The following SNAP91 variants were observed in gnomAD, a reference collection of about 807,000 sequenced individuals.
The protein encoded by SNAP91 is clathrin coat assembly protein AP180.
In SNAP91, 27 loss-of-function variants were observed where a neutral mutation model predicts 100.3. The observed-to-expected ratio is 0.27, with a 90% CI of 0.20 to 0.37. The LOEUF (loss-of-function observed/expected upper bound fraction) is 0.37. Ranked by LOEUF, SNAP91 falls within the 10% of genes least tolerant of loss-of-function variation. The pLI is 1.00. For synonymous variants in SNAP91, 404 were observed against 398.6 expected, an observed-to-expected ratio of 1.01 and a Z score of -0.16; for missense variants, 986 against 1,123.7, an observed-to-expected ratio of 0.88 and a Z score of 1.75.
chr6:83,671,731 G>C (rs1304862246), intron 2 of SNAP91, among the ~76,000 whole-genome samples: 1 of 152,042 alleles, frequency 6.6e-6, no homozygotes, highest in Non-Finnish European at 1.5e-5. Flanking sequence ...GGAGATATAA[G>C]TAATTGTTCA....
At chr6:83,612,946 A>T (rs1356779912) in intron 11 of SNAP91, among the ~76,000 whole-genome samples, 1 of 151,938 alleles carries the variant, frequency 6.6e-6, no homozygotes, top group African/African-American at 2.4e-5. Flanking sequence ...TTCCAAACTA[A>T]TACCTAAAAT....
intron 2 of SNAP91, among the ~76,000 whole-genome samples, chr6:83,682,208 C>A (rs1360133380): frequency 7.3e-6 from 1 of 137,024 alleles, no homozygotes; most frequent in Non-Finnish European, 1.5e-5. Flanking sequence ...GACAGGGTCT[C>A]GCTCTGTTGT....
At chr6:83,666,915 G>C (rs138420008) in intron 2 of SNAP91, among the ~76,000 whole-genome samples, 3 of 152,114 alleles carry the variant, frequency 2.0e-5, no homozygotes, top group African/African-American at 7.2e-5. Context: ...GTTCAGAATA[G>C]ATGTATATTT....
At chr6:83,663,630 G>A (rs1296636982) in intron 3 of SNAP91, among the ~76,000 whole-genome samples, 1 of 152,102 alleles carries the variant, frequency 6.6e-6, no homozygotes, top group Non-Finnish European at 1.5e-5. Context: ...TTTGATGCTA[G>A]CAGAGGTTAG....
intron 9 of SNAP91, among the ~76,000 whole-genome samples, chr6:83,621,109 G>A (rs1230980206): frequency 6.6e-6 from 1 of 152,070 alleles, no homozygotes; most frequent in East Asian, 1.9e-4. Flanking sequence ...TGTCACAGGG[G>A]TACCACCTTC....
At chr6:83,664,107 A>AG (rs2128756316) in intron 3 of SNAP91, among the ~76,000 whole-genome samples, 1 of 152,236 alleles carries the variant, frequency 6.6e-6, no homozygotes, top group South Asian at 2.1e-4. Flanking sequence ...TCAGAAAAAA[A>AG]GATTCCTTTC....
chr6:83,602,427 C>A (rs188272042), intron 14 of SNAP91, among the ~76,000 whole-genome samples: 18 of 152,114 alleles, frequency 1.2e-4, no homozygotes, highest in Non-Finnish European at 1.5e-5. Context: ...ATTAGGCTTA[C>A]AGAGTTTTAC....
chr6:83,705,810 G>C (rs1216177115), intron 2 of SNAP91, among the ~76,000 whole-genome samples: 1 of 144,878 alleles, frequency 6.9e-6, no homozygotes, highest in East Asian at 2.0e-4. Context: ...ATCTCACAAA[G>C]AGAAAAAAAA....
At chr6:83,582,146 A>G (rs910626556) in intron 23 of SNAP91, 76 bp downstream of exon 23, 2 of 1,451,748 alleles carry the variant, frequency 1.4e-6, no homozygotes, top group African/African-American at 1.4e-5. Flanking sequence ...ATTTCCTGAT[A>G]GCATACTAAC....
intron 2 of SNAP91, among the ~76,000 whole-genome samples, chr6:83,706,493 A>G (rs978513033): frequency 1.3e-5 from 2 of 152,270 alleles, no homozygotes; most frequent in East Asian, 3.8e-4. Flanking sequence ...GAAAGGCATA[A>G]TGGTACTTTC....
At chr6:83,693,590 G>A (rs989649534) in intron 2 of SNAP91, among the ~76,000 whole-genome samples, 2 of 152,158 alleles carry the variant, frequency 1.3e-5, no homozygotes, top group African/African-American at 4.8e-5. Flanking sequence ...CGCGATGCTG[G>A]AAGAAAGTTT....
At position 83,618,531 on chromosome 6, in the gene SNAP91, G is replaced by T. The variant is rs114428984; in HGVS notation, c.808-1492C>A. ...TAAAAAATGAATTTTAAGAGATACA[G>T]AAAATTTTGTTATAGATACCAGATT... On this transcript the variant is annotated intron_variant, in intron 9 of 29. Coordinates refer to ENST00000369694, the MANE Select transcript of SNAP91 (RefSeq NM_001242792.2). Among the ~76,000 whole-genome samples the T allele has an allele frequency of 4.1e-3, 629 of 151,882 alleles. 5 individuals are homozygous for T. The highest frequency in any genetic ancestry group is 0.015 in the African/African-American group (605 of 41,522).
At chr6:83,582,443 C>T (rs529641584) in intron 22 of SNAP91, 87 bp from the exon 23 acceptor site, 1 of 1,364,694 alleles carries the variant, frequency 7.3e-7, no homozygotes, top group Non-Finnish European at 9.8e-7. Context: ...TTATAGAAAA[C>T]TGAAAAGGAA....
intron 8 of SNAP91, among the ~76,000 whole-genome samples, chr6:83,632,240 T>G (rs1437137621): frequency 6.6e-6 from 1 of 152,144 alleles, no homozygotes. Context: ...AATTTAAAGG[T>G]ATAGTTATAC....
intron 9 of SNAP91, among the ~76,000 whole-genome samples, chr6:83,619,847 C>T (rs2096643014): frequency 1.3e-5 from 2 of 151,928 alleles, no homozygotes; most frequent in South Asian, 2.1e-4. Flanking sequence ...CATCCATCTA[C>T]GATTTAGATG....
chr6:83,659,094 T>TA lies in SNAP91; in HGVS notation c.453-3dup. On this transcript the variant is annotated splice_polypyrimidine_tract_variant and splice_region_variant and intron_variant, in intron 5 of 29. Coordinates refer to ENST00000369694, the MANE Select transcript of SNAP91 (RefSeq NM_001242792.2). ...ATTGTCCTCATTACACCATCGGCCC[T>TA]ACAATTAAAAAAAAAAAAAAGGTAC... 1 of 1,524,744 alleles carries TA rather than the reference T, an allele frequency of 6.6e-7. No individual in the cohort carries two copies. Among genetic ancestry groups the TA allele is most frequent in the Admixed American group, 2.1e-5 (1 of 48,026 alleles). 94.5% of individuals were successfully genotyped at this position (1,524,744 alleles called of 1,614,324 possible). A position where few individuals can be genotyped will look rare whatever the true frequency, so the allele number is the denominator to read the frequency against.
chr6:83,628,874 C>A (rs973649023), intron 8 of SNAP91, among the ~76,000 whole-genome samples: 10 of 152,064 alleles, frequency 6.6e-5, no homozygotes, highest in African/African-American at 2.2e-4. Flanking sequence ...TTAATTAAGT[C>A]CCAGAAATTT....
chr6:83,694,158 C>T (rs889886721), intron 2 of SNAP91, among the ~76,000 whole-genome samples: 6 of 152,204 alleles, frequency 3.9e-5, no homozygotes, highest in African/African-American at 1.4e-4. Flanking sequence ...GTATTCACAT[C>T]CCATTTCCTT....
chr6:83,605,192 G>A (rs2095533306), intron 14 of SNAP91, among the ~76,000 whole-genome samples: 3 of 152,108 alleles, frequency 2.0e-5, no homozygotes, highest in East Asian at 1.9e-4. Context: ...GTACAAATAA[G>A]AATCTGTAAA....
Sources: allele counts gnomAD v4.1 joint callset (sites outside exome capture counted in the v4.1 genomes callset), GRCh38; gene constraint gnomAD v4.1.1; transcripts MANE v1.5; gene names NCBI Gene and HGNC (gene_info 2026-07-23, HGNC 2026-07-21).